Variants in NHSL2 observed in about 807,000 individuals in gnomAD.
NHSL2 encodes NHS-like protein 2.
A neutral mutation model predicts 53.4 loss-of-function variants in NHSL2; 27 were observed. That is an observed-to-expected ratio of 0.51 (90% CI 0.37 to 0.70). The LOEUF is 0.70. Among genes scored for constraint, NHSL2 ranks in the 30% least tolerant of loss-of-function variants. The probability of loss-of-function intolerance (pLI) is 0.00; values close to 1 mark genes in which losing one functional copy is unlikely to be tolerated. For synonymous variants in NHSL2, 408 were observed against 404.1 expected (o/e 1.01, Z -0.12); for missense variants, 892 against 980.1 (o/e 0.91, Z 1.20).
chrX:72,140,156 C>T lies in NHSL2; in HGVS notation c.2608C>T (p.Pro870Ser). ...FTLPERKTKP[P>S]VAEKPPVARR... is the part of the protein sequence containing the mutation. The stretch of plus-strand genomic sequence containing the variant: ...CTTGCCAGAGAGAAAGACAAAACCT[C>T]CCGTAGCTGAGAAGCCTCCGGTGGC... The change falls in exon 6 of 8, where the codon CCC (proline) becomes TCC (serine). Residue 870 changes from proline (P) to serine (S), a missense_variant. By Grantham distance (74) the Pro-to-Ser change is moderately conservative (BLOSUM62 -1). Transcript: ENST00000633930. 1 of 1,211,149 alleles carries T rather than the reference C, an allele frequency of 8.3e-7. No homozygotes were observed. The highest frequency in any genetic ancestry group is 1.1e-6 in the Non-Finnish European group (1 of 895,198).
intron 1 of NHSL2, among the ~76,000 whole-genome samples, chrX:72,024,855 A>C (rs370234728): frequency 8.9e-6 from 1 of 112,595 alleles, no homozygotes; most frequent in East Asian, 2.8e-4. Context: ...TGTAAATTGC[A>C]TCTCAAGATA....
chrX:72,084,499 C>T (rs1054306666), intron 1 of NHSL2, among the ~76,000 whole-genome samples: 7 of 112,363 alleles, frequency 6.2e-5, no homozygotes, highest in African/African-American at 2.3e-4. Flanking sequence ...AGCTCTGGAG[C>T]TGGGTTGGTC....
At chrX:72,047,367 C>G (rs1198263702) in intron 1 of NHSL2, among the ~76,000 whole-genome samples, 1 of 112,290 alleles carries the variant, frequency 8.9e-6, no homozygotes, top group Non-Finnish European at 1.9e-5. Flanking sequence ...GTAAACTGTT[C>G]CACGGAGGCC....
intron 1 of NHSL2, among the ~76,000 whole-genome samples, chrX:71,921,001 C>T (rs1295193058): frequency 9.2e-6 from 1 of 108,825 alleles, no homozygotes; most frequent in African/African-American, 3.3e-5. Context: ...GACGGGGTTT[C>T]GCCATGTTGG....
Position 72,142,300 on chromosome X carries a change from G to A in NHSL2, c.3292G>A (p.Glu1098Lys). Residue 1098 changes from glutamate (E) to lysine (K), a missense_variant, in exon 7 of 8, where the codon GAG (glutamate) becomes AAG (lysine). Coordinates refer to ENST00000633930, the MANE Select transcript of NHSL2 (RefSeq NM_001013627.3). ...ISDKTAEWIA[E>K]DDDDVFVASR... ...TGATAAAACAGCTGAATGGATTGCAGAGGATGATGATGACGTGTTTGTGGC... is the reference window on the plus strand; with the variant it reads ...TGATAAAACAGCTGAATGGATTGCAAAGGATGATGATGACGTGTTTGTGGC... 2.6e-6 allele frequency: 3 copies of A among 1,157,960 alleles called. No individual in the cohort carries two copies. The highest frequency in any genetic ancestry group is 3.5e-6 in the Non-Finnish European group (3 of 864,254).
At chrX:72,141,037 T>A (rs936386186) in intron 6 of NHSL2, 4 of 272,917 alleles carry the variant, frequency 1.5e-5, no homozygotes, top group African/African-American at 5.6e-5. Context: ...GATAATGAAA[T>A]CAAACTAGGT....
At chrX:71,949,395 A>C (rs1463537069) in intron 1 of NHSL2, among the ~76,000 whole-genome samples, 2 of 111,077 alleles carry the variant, frequency 1.8e-5, no homozygotes, top group African/African-American at 6.6e-5. Context: ...AAAGGGTGGG[A>C]AAGACACAAG....
chrX:71,917,831 C>T (rs1167574014), intron 1 of NHSL2, among the ~76,000 whole-genome samples: 1 of 110,970 alleles, frequency 9.0e-6, no homozygotes, highest in Non-Finnish European at 1.9e-5. Context: ...AATTCACTGC[C>T]AGTGATTCAG....
chrX:72,049,386 A>G (rs2042327044), intron 1 of NHSL2, among the ~76,000 whole-genome samples: 1 of 111,047 alleles, frequency 9.0e-6, no homozygotes, highest in Middle Eastern at 4.2e-3. Flanking sequence ...AATAGTCAAG[A>G]CCTTTATCCT....
chrX:71,919,580 G>A (rs1022832252), intron 1 of NHSL2, among the ~76,000 whole-genome samples: 3 of 111,596 alleles, frequency 2.7e-5, no homozygotes, highest in Admixed American at 9.4e-5. Context: ...CGGAGGAGCC[G>A]CATCTAGCCT....
intron 1 of NHSL2, among the ~76,000 whole-genome samples, chrX:71,930,043 C>T (rs1384560364): frequency 8.9e-6 from 1 of 112,264 alleles, no homozygotes; most frequent in Admixed American, 9.4e-5. Flanking sequence ...GCATGAGCCA[C>T]CACGCCCAGA....
chrX:72,053,795 G>T (rs559252939), intron 1 of NHSL2, among the ~76,000 whole-genome samples: 1 of 111,372 alleles, frequency 9.0e-6, no homozygotes, highest in South Asian at 3.8e-4. Flanking sequence ...TCCTCATTTT[G>T]GGGTCCACTC....
At chrX:72,133,805 T>G in intron 2 of NHSL2, 1 of 224,147 alleles carries the variant, frequency 4.5e-6, no homozygotes, top group Non-Finnish European at 8.1e-6. Context: ...CTGAGCCTCT[T>G]TTCGTAACTG....
intron 1 of NHSL2, among the ~76,000 whole-genome samples, chrX:71,932,025 C>T (rs2041716091): frequency 8.9e-6 from 1 of 112,562 alleles, no homozygotes; most frequent in Non-Finnish European, 1.9e-5. Context: ...GTGCCAGACA[C>T]TGTGCCAGGT....
chrX:71,954,074 C>T (rs1296216693), intron 1 of NHSL2, among the ~76,000 whole-genome samples: 1 of 112,548 alleles, frequency 8.9e-6, no homozygotes, highest in Non-Finnish European at 1.9e-5. Flanking sequence ...TATAAAACTA[C>T]TCCTTGCTCC....
intron 1 of NHSL2, among the ~76,000 whole-genome samples, chrX:72,072,085 G>A (rs757801989): frequency 1.8e-5 from 2 of 112,497 alleles, no homozygotes; most frequent in Non-Finnish European, 3.8e-5. Context: ...ATTGGGGTAC[G>A]AGAGATTACG....
chrX:72,067,295 C>G (rs1436714672), intron 1 of NHSL2, among the ~76,000 whole-genome samples: 1 of 111,623 alleles, frequency 9.0e-6, no homozygotes, highest in Non-Finnish European at 1.9e-5. Context: ...CCTTTACTCC[C>G]CAAACTCTTC....
intron 1 of NHSL2, among the ~76,000 whole-genome samples, chrX:72,075,153 T>C (rs770652672): frequency 8.9e-6 from 1 of 111,775 alleles, no homozygotes; most frequent in Non-Finnish European, 1.9e-5. Context: ...AGCTGCACGT[T>C]TGAACTCAAG....
chrX:72,130,620 T>C (rs748992597), intron 1 of NHSL2: 2 of 1,211,937 alleles, frequency 1.7e-6, no homozygotes, highest in South Asian at 1.8e-5. Flanking sequence ...CTTTTCTTTC[T>C]ATCTCCACAC....
Sources: gnomAD v4.1 joint callset for allele counts (sites outside exome capture counted in the v4.1 genomes callset) on GRCh38, gnomAD v4.1.1 for gene constraint, MANE v1.5 for transcripts, NCBI Gene and HGNC (gene_info 2026-07-23, HGNC 2026-07-21) for gene names.